Variants in SLA2 observed in about 807,000 individuals in gnomAD.
The protein encoded by SLA2 is Src like adaptor 2.
SLA2 carries 22 observed loss-of-function variants against 27.3 expected under a neutral mutation model. The ratio of observed to expected loss-of-function variants is 0.81; its 90% CI spans 0.58 to 1.15. The LOEUF (loss-of-function observed/expected upper bound fraction) is 1.15, where lower values mean the gene tolerates loss of function less well. Ranked by LOEUF, SLA2 falls within the 50% of genes most tolerant of loss-of-function variation. SLA2 has a pLI of 0.00. For synonymous variants in SLA2, 131 were observed against 137.8 expected, an observed-to-expected ratio of 0.95 and a Z score of 0.34; for missense variants, 304 against 322.2, an observed-to-expected ratio of 0.94 and a Z score of 0.43.
Position 36,633,576 on chromosome 20 carries a change from A to T in SLA2, c.245T>A (p.Ile82Asn), listed in dbSNP as rs2039414272. The T allele has an allele frequency of 6.2e-7, 1 of 1,614,002 alleles. No individual in the cohort carries two copies. Among genetic ancestry groups the T allele is most frequent in the Non-Finnish European group, 8.5e-7 (1 of 1,179,978 alleles). The change falls in exon 4 of 8, where the codon ATC (isoleucine) becomes AAC (asparagine). Residue 82 changes from isoleucine to asparagine, a missense_variant. By Grantham distance (149) the Ile-to-Asn change is moderately radical. Coordinates refer to ENST00000262866, the MANE Select transcript of SLA2 (RefSeq NM_032214.4). ...GACTTTGGCCACGTGGACGCTGGGG[A>T]TGTTATACTCTCTGCCTGAGACTTC... The part of the protein sequence containing the change: ...LSEVSGREYN[I>N]PSVHVAKVSH...
chr20:36,645,323 C>T (rs562664406), intron 1 of SLA2, among the ~76,000 whole-genome samples: 5 of 151,778 alleles, frequency 3.3e-5, no homozygotes, highest in African/African-American at 9.7e-5. Flanking sequence ...GTCATAATTA[C>T]GCCGCTGCAC....
At chr20:36,615,447 A>AGAT in intron 5 of SLA2, 73 bp from the exon 6 acceptor site, 1 of 1,593,628 alleles carries the variant, frequency 6.3e-7, no homozygotes, top group Non-Finnish European at 8.6e-7. Flanking sequence ...TGGGAAACGA[A>AGAT]GATAGGCAAC....
chr20:36,624,623 G>A (rs2039318472), intron 5 of SLA2, among the ~76,000 whole-genome samples: 1 of 152,220 alleles, frequency 6.6e-6, no homozygotes, highest in Non-Finnish European at 1.5e-5. Flanking sequence ...CACTCGGACG[G>A]AGCCACGATT....
intron 6 of SLA2, chr20:36,614,923 G>C (rs905765627): frequency 2.0e-6 from 2 of 985,394 alleles, no homozygotes; most frequent in Non-Finnish European, 1.2e-6. Context: ...CAGCAGCTCT[G>C]TGCCCGGTTC....
chr20:36,614,230 G>C, intron 7 of SLA2, 75 bp downstream of exon 7: 1 of 1,609,530 alleles, frequency 6.2e-7, no homozygotes. Flanking sequence ...GTACATTCCG[G>C]GTTGTGGCTT....
intron 5 of SLA2, among the ~76,000 whole-genome samples, chr20:36,630,673 G>A (rs1313351604): frequency 6.6e-6 from 1 of 152,162 alleles, no homozygotes; most frequent in Non-Finnish European, 1.5e-5. Flanking sequence ...CCCATACATT[G>A]TTTTAAGTCA....
chr20:36,638,035 G>T (rs2039470385), intron 2 of SLA2, among the ~76,000 whole-genome samples: 1 of 151,528 alleles, frequency 6.6e-6, no homozygotes, highest in African/African-American at 2.4e-5. Context: ...GGGATTACAG[G>T]CACCCACCAC....
chr20:36,640,505 C>CTTTTT (rs1162794643), intron 2 of SLA2, among the ~76,000 whole-genome samples: 1 of 133,276 alleles, frequency 7.5e-6, no homozygotes, highest in Non-Finnish European at 1.6e-5. Flanking sequence ...GATGAAAGAC[C>CTTTTT]TTTTTTTTTT....
chr20:36,614,658 C>A, intron 6 of SLA2: 1 of 985,434 alleles, frequency 1.0e-6, no homozygotes, highest in East Asian at 1.1e-4. Context: ...AGGGTGAGTT[C>A]ATGGACCTCT....
rs1021023030 is a variant in SLA2, at chr20:36,634,551, G to A, written c.130C>T (p.Pro44Ser). 6.2e-7 allele frequency: 1 copy of A among 1,611,622 alleles called. No individual in the cohort carries two copies. The highest frequency in any genetic ancestry group is 1.1e-5 in the South Asian group (1 of 90,596). ...GACAGCTCGGCCGGGCCACCTGCCG[G>A]GAAACTGCCCAGGGCCACGGCTGTG... ...KATAVALGSFPAGGPAELSLR... is the reference protein window; with the variant it reads ...KATAVALGSFSAGGPAELSLR... The change falls in exon 3 of 8, where the codon CCG becomes TCG. Residue 44 changes from proline to serine, a missense_variant. Transcript: ENST00000262866.
At chr20:36,644,039 ACAGAATGGGCATATGG>A (rs780976723) in intron 1 of SLA2, among the ~76,000 whole-genome samples, 26 of 151,876 alleles carry the variant, frequency 1.7e-4, no homozygotes, top group Non-Finnish European at 2.8e-4. Flanking sequence ...GCTCTTGAAC[ACAGAATGGGCATATGG>A]CATGGAAATG....
chr20:36,622,820 TC>T (rs2039298226), intron 5 of SLA2, among the ~76,000 whole-genome samples: 1 of 152,316 alleles, frequency 6.6e-6, no homozygotes, highest in South Asian at 2.1e-4. Context: ...AAAATAATCT[TC>T]CCACCTCAAA....
At chr20:36,624,456 CTCTTT>C (rs959801709) in intron 5 of SLA2, among the ~76,000 whole-genome samples, 9 of 152,194 alleles carry the variant, frequency 5.9e-5, no homozygotes, top group African/African-American at 2.2e-4. Context: ...CACTCTCACA[CTCTTT>C]TCTTATTTGT....
chr20:36,642,112 G>A (rs1348888017), intron 1 of SLA2, among the ~76,000 whole-genome samples: 1 of 53,962 alleles, frequency 1.9e-5, no homozygotes, highest in Non-Finnish European at 3.9e-5. Context: ...AGGTTGCAAT[G>A]AGCCAAGATC....
chr20:36,636,621 A>ATAT (rs1283539835), intron 2 of SLA2, among the ~76,000 whole-genome samples: 94 of 125,690 alleles, frequency 7.5e-4, no homozygotes, highest in African/African-American at 3.1e-3. Flanking sequence ...GAAAAAAAAA[A>ATAT]AAATATATAT....
At chr20:36,639,860 C>CA (rs112908435) in intron 2 of SLA2, among the ~76,000 whole-genome samples, 242 of 130,914 alleles carry the variant, frequency 1.8e-3, no homozygotes, top group Admixed American at 3.9e-3. Context: ...GACTCCGTCT[C>CA]AAAAAAAAAA....
At chr20:36,634,986 C>T (rs1362133665) in intron 2 of SLA2, among the ~76,000 whole-genome samples, 1 of 152,072 alleles carries the variant, frequency 6.6e-6, no homozygotes, top group Non-Finnish European at 1.5e-5. Context: ...CACCACTACA[C>T]CCGGCTAATT....
chr20:36,629,811 G>T (rs936251373), intron 5 of SLA2, among the ~76,000 whole-genome samples: 4 of 151,826 alleles, frequency 2.6e-5, no homozygotes, highest in African/African-American at 9.7e-5. Context: ...GGTAGCACTC[G>T]CCTGTAATCC....
chr20:36,632,394 A>G (rs1312416008), intron 5 of SLA2, among the ~76,000 whole-genome samples: 3 of 152,070 alleles, frequency 2.0e-5, no homozygotes, highest in African/African-American at 7.2e-5. Flanking sequence ...CTCTGCTTTC[A>G]TGGCCTGTCT....
Sources: allele counts gnomAD v4.1 joint callset (sites outside exome capture counted in the v4.1 genomes callset), GRCh38; gene constraint gnomAD v4.1.1; transcripts MANE v1.5; gene names NCBI Gene and HGNC (gene_info 2026-07-23, HGNC 2026-07-21).